The following SAMMSON variants were observed in gnomAD, a reference collection of about 807,000 sequenced individuals.
SAMMSON encodes survival associated mitochondrial melanoma specific oncogenic non-coding RNA, also known as long intergenic non-protein coding RNA 1212.
intron 4 of SAMMSON, among the ~76,000 whole-genome samples, chr3:70,228,866 C>T (rs753065928): frequency 2.6e-5 from 4 of 151,784 alleles, no homozygotes; most frequent in Non-Finnish European, 5.9e-5. Context: ...TACCAAGTGT[C>T]TATTATGTGG....
At chr3:70,167,305 C>T (rs547822920) in intron 4 of SAMMSON, among the ~76,000 whole-genome samples, 2 of 152,008 alleles carry the variant, frequency 1.3e-5, no homozygotes, top group Admixed American at 1.3e-4. Context: ...TTGTTATTTT[C>T]TACCTAGTAA....
chr3:70,367,694 C>T (rs974215640), intron 9 of SAMMSON, among the ~76,000 whole-genome samples: 3 of 151,680 alleles, frequency 2.0e-5, no homozygotes, highest in African/African-American at 7.2e-5. Context: ...CATCGGAAAG[C>T]ATATATTTCT....
intron 4 of SAMMSON, among the ~76,000 whole-genome samples, chr3:70,152,327 A>G (rs189567344): frequency 2.6e-4 from 40 of 152,112 alleles, no homozygotes; most frequent in African/African-American, 7.5e-4. Context: ...TGAATAACAA[A>G]ATGCCATTTC....
intron 3 of SAMMSON, among the ~76,000 whole-genome samples, chr3:70,062,503 C>T (rs73836043): frequency 0.012 from 1,869 of 152,144 alleles, 43 homozygotes; most frequent in African/African-American, 0.042. Flanking sequence ...CCTCAGGCCC[C>T]AGAACAGTAG....
chr3:70,243,851 T>A (rs1575605161), intron 4 of SAMMSON, among the ~76,000 whole-genome samples: 2 of 152,190 alleles, frequency 1.3e-5, no homozygotes, highest in East Asian at 3.9e-4. Flanking sequence ...TCTAGGAGGA[T>A]ATGTGGAGGA....
At chr3:70,335,388 G>A (rs1303864375) in intron 7 of SAMMSON, among the ~76,000 whole-genome samples, 1 of 151,868 alleles carries the variant, frequency 6.6e-6, no homozygotes, top group African/African-American at 2.4e-5. Flanking sequence ...ATTTGCTTAG[G>A]TTTTGTTTCT....
intron 7 of SAMMSON, among the ~76,000 whole-genome samples, chr3:70,328,891 C>T (rs904777592): frequency 1.4e-4 from 21 of 152,050 alleles, no homozygotes; most frequent in African/African-American, 4.1e-4. Context: ...ACTTAAAGCT[C>T]GTACTAAACA....
chr3:70,284,386 C>G (rs1314026359), intron 6 of SAMMSON, among the ~76,000 whole-genome samples: 3 of 152,110 alleles, frequency 2.0e-5, no homozygotes, highest in African/African-American at 7.2e-5. Flanking sequence ...CAGCAAGACT[C>G]TATTAAACTT....
intron 6 of SAMMSON, among the ~76,000 whole-genome samples, chr3:70,281,314 G>A (rs1105033): frequency 0.27 from 41,159 of 151,930 alleles, 5,637 homozygotes; most frequent in South Asian, 0.32. Flanking sequence ...AAGGCATTCA[G>A]GAACCTCCTG....
At chr3:70,355,987 G>T (rs1702826841) in intron 8 of SAMMSON, among the ~76,000 whole-genome samples, 1 of 152,108 alleles carries the variant, frequency 6.6e-6, no homozygotes, top group Non-Finnish European at 1.5e-5. Flanking sequence ...ACATACATTT[G>T]TCATAATAAT....
intron 6 of SAMMSON, among the ~76,000 whole-genome samples, chr3:70,279,955 G>A (rs191744102): frequency 1.1e-4 from 16 of 152,284 alleles, no homozygotes; most frequent in Admixed American, 3.9e-4. Context: ...TACTGTAGTT[G>A]TTTTTTAGGG....
At chr3:70,054,491 C>T (rs925333085) in intron 3 of SAMMSON, among the ~76,000 whole-genome samples, 9 of 152,202 alleles carry the variant, frequency 5.9e-5, no homozygotes, top group South Asian at 4.2e-4. Context: ...CTCTCTTGTT[C>T]GGTCCTTGGT....
At chr3:70,177,308 G>GCTGAAAGATCTGCTGAAAGATC (rs1701015556) in intron 4 of SAMMSON, among the ~76,000 whole-genome samples, 1 of 152,206 alleles carries the variant, frequency 6.6e-6, no homozygotes. Flanking sequence ...TGCACAGGGT[G>GCTGAAAGATCTGCTGAAAGATC]TGCCATCCAT....
intron 2 of SAMMSON, among the ~76,000 whole-genome samples, chr3:70,422,787 C>T (rs1701322979): frequency 6.6e-6 from 1 of 151,868 alleles, no homozygotes; most frequent in Non-Finnish European, 1.5e-5. Context: ...AAATGATACT[C>T]ATTTTCTAAA....
intron 4 of SAMMSON, among the ~76,000 whole-genome samples, chr3:70,083,369 G>A (rs1425120301): frequency 6.6e-6 from 1 of 152,082 alleles, no homozygotes; most frequent in Non-Finnish European, 1.5e-5. Flanking sequence ...CTCTCTTCTT[G>A]TTCAAGCCAG....
intron 4 of SAMMSON, among the ~76,000 whole-genome samples, chr3:70,136,148 G>T (rs536450146): frequency 6.6e-6 from 1 of 152,170 alleles, no homozygotes; most frequent in African/African-American, 2.4e-5. Context: ...TCTGGGGAAC[G>T]TGTGTAGTTG....
intron 7 of SAMMSON, among the ~76,000 whole-genome samples, chr3:70,317,310 C>A (rs1702501937): frequency 1.3e-5 from 2 of 151,902 alleles, no homozygotes; most frequent in South Asian, 4.1e-4. Flanking sequence ...GTCAACCTTG[C>A]ATTAGTCAAG....
intron 4 of SAMMSON, among the ~76,000 whole-genome samples, chr3:70,186,430 A>T (rs1362183179): frequency 6.6e-6 from 1 of 151,398 alleles, no homozygotes; most frequent in Non-Finnish European, 1.5e-5. Context: ...GCTAATTTTT[A>T]TTTTTTTATT....
At chr3:70,105,208 C>A (rs1040249925) in intron 4 of SAMMSON, among the ~76,000 whole-genome samples, 2 of 151,994 alleles carry the variant, frequency 1.3e-5, no homozygotes, top group African/African-American at 4.8e-5. Context: ...CTTTGCTTTC[C>A]TATTGTTGAA....
Sources: gnomAD v4.1 joint callset for allele counts (sites outside exome capture counted in the v4.1 genomes callset) on GRCh38, gnomAD v4.1.1 for gene constraint, MANE v1.5 for transcripts, NCBI Gene and HGNC (gene_info 2026-07-23, HGNC 2026-07-21) for gene names.